The following SESTD1 variants were observed in gnomAD, a reference collection of about 807,000 sequenced individuals.
The protein encoded by SESTD1 is SEC14 and spectrin domain containing 1.
In SESTD1, 43 loss-of-function variants were observed where a neutral mutation model predicts 101.7. The ratio of observed to expected loss-of-function variants is 0.42; its 90% CI spans 0.33 to 0.55. The LOEUF (loss-of-function observed/expected upper bound fraction) is 0.55, where lower values mean the gene tolerates loss of function less well. SESTD1 is among the 20% of genes least tolerant of loss of function. The probability of loss-of-function intolerance (pLI) is 0.07; values close to 1 mark genes in which losing one functional copy is unlikely to be tolerated. For synonymous variants in SESTD1, 283 were observed against 286.8 expected, an observed-to-expected ratio of 0.99 and a Z score of 0.13; for missense variants, 647 against 815.1, an observed-to-expected ratio of 0.79 and a Z score of 2.51.
At chr2:179,146,606 A>G (rs2045401175) in intron 7 of SESTD1, 149 bp from the exon 8 acceptor site, 2 of 611,520 alleles carry the variant, frequency 3.3e-6, no homozygotes, top group Non-Finnish European at 5.6e-6. Context: ...TCTCTCAAGC[A>G]TAAGGAAGCC....
chr2:179,129,742 G>A (rs2044966346), intron 10 of SESTD1, among the ~76,000 whole-genome samples: 1 of 152,156 alleles, frequency 6.6e-6, no homozygotes, highest in Non-Finnish European at 1.5e-5. Context: ...AGAAAAGAAA[G>A]CTTTTAATAA....
chr2:179,121,886 C>T lies in SESTD1; in HGVS notation c.1326G>A (p.Leu442=). The change falls in exon 13 of 18, where the codon CTG becomes CTA. Residue 442 remains leucine (L), a synonymous_variant. Transcript: ENST00000428443. ...AGGATGCCTGATTGGAGATCTGATCCAGGAGACCTTGACCTTTTTCACGCA... is the reference window on the plus strand; with the variant it reads ...AGGATGCCTGATTGGAGATCTGATCTAGGAGACCTTGACCTTTTTCACGCA... The part of the protein sequence containing the change: ...QGLREKGQGL[L]DQISNQASWA... The T allele has an allele frequency of 6.2e-7, 1 of 1,607,930 alleles. No individual in the cohort carries two copies. The highest frequency in any genetic ancestry group is 8.5e-7 in the Non-Finnish European group (1 of 1,177,638).
At position 179,173,256 on chromosome 2, in the gene SESTD1, C is replaced by G. The variant is rs1434818800; in HGVS notation, c.256-1023G>C. 1.3e-5 allele frequency among the ~76,000 whole-genome samples: 2 copies of G among 152,154 alleles called. 1 individual carries two copies. Among genetic ancestry groups the G allele is most frequent in the South Asian group, 4.1e-4 (2 of 4,834 alleles). On this transcript the variant is annotated intron_variant, in intron 4 of 17. Transcript: ENST00000428443. ...GAGAGGCCTTCCCTGTCTACCCTAC[C>G]TAAAGTGGCATCATCTGACTCAGTC...
intron 1 of SESTD1, among the ~76,000 whole-genome samples, chr2:179,241,456 A>G (rs1411465183): frequency 6.6e-6 from 1 of 152,170 alleles, no homozygotes; most frequent in African/African-American, 2.4e-5. Flanking sequence ...GAAAGCATTC[A>G]GAAAATAAAT....
At chr2:179,114,561 C>T (rs764280807) in intron 16 of SESTD1, among the ~76,000 whole-genome samples, 27 of 152,066 alleles carry the variant, frequency 1.8e-4, no homozygotes, top group Non-Finnish European at 3.8e-4. Flanking sequence ...GACCTTAATT[C>T]ATTGAATAAT....
chr2:179,226,651 A>G (rs2046890472), intron 1 of SESTD1, among the ~76,000 whole-genome samples: 1 of 152,196 alleles, frequency 6.6e-6, no homozygotes, highest in Admixed American at 6.5e-5. Context: ...CAGAAAAGAA[A>G]CAGATTCCAA....
At chr2:179,174,801 T>C (rs1313674625) in intron 4 of SESTD1, among the ~76,000 whole-genome samples, 1 of 151,982 alleles carries the variant, frequency 6.6e-6, no homozygotes, top group Non-Finnish European at 1.5e-5. Flanking sequence ...ATAAAAAAAG[T>C]AGCCAGGTGT....
intron 1 of SESTD1, among the ~76,000 whole-genome samples, chr2:179,236,191 T>C (rs1479859604): frequency 6.6e-6 from 1 of 151,858 alleles, no homozygotes. Context: ...TTTATTACAA[T>C]GAGTAATTAT....
Position 179,102,660 on chromosome 2 carries a change from A to G in SESTD1, c.*7239T>C, listed in dbSNP as rs1262146916. 1 of 152,158 alleles carries G rather than the reference A, an allele frequency of 6.6e-6. No homozygotes were observed. The highest frequency in any genetic ancestry group is 1.5e-5 in the Non-Finnish European group (1 of 68,028). The allele number at this position is 152,158 out of a possible 1,614,324, so 9.4% of individuals were successfully genotyped here. The stretch of plus-strand genomic sequence containing the variant: ...ACATATTTTTGAAAATGAGCATTAG[A>G]AACACACAGATGATTATAATTCTAT... On this transcript the variant is annotated 3_prime_UTR_variant, in exon 18 of 18. Coordinates refer to ENST00000428443, the MANE Select transcript of SESTD1 (RefSeq NM_178123.5).
At chr2:179,198,685 C>G (rs531366536) in intron 1 of SESTD1, among the ~76,000 whole-genome samples, 297 of 151,964 alleles carry the variant, frequency 2.0e-3, no homozygotes, top group Non-Finnish European at 3.2e-3. Flanking sequence ...GGAAACTGAA[C>G]AACCTGCTCC....
chr2:179,163,637 C>A lies in SESTD1; in HGVS notation c.369+8483G>T, dbSNP rs555251594. The stretch of plus-strand genomic sequence containing the variant: ...ATTTCAAACTTTTGCTAAGTCCTTT[C>A]AAAGGCAATACAAAACATAAAGTTT... On this transcript the variant is annotated intron_variant, in intron 5 of 17. Transcript: ENST00000428443. 5.9e-5 allele frequency among the ~76,000 whole-genome samples: 9 copies of A among 151,326 alleles called. No individual in the cohort carries two copies. In the South Asian group the frequency reaches 1.9e-3, roughly 31 times the overall value.
chr2:179,117,685 G>T, intron 13 of SESTD1, 72 bp from the exon 14 acceptor site: 2 of 1,228,908 alleles, frequency 1.6e-6, no homozygotes, highest in Non-Finnish European at 2.2e-6. Context: ...TCATCATTTG[G>T]TACATGTATT....
chr2:179,250,197 A>C (rs932104256), intron 1 of SESTD1, among the ~76,000 whole-genome samples: 2 of 152,166 alleles, frequency 1.3e-5, no homozygotes, highest in African/African-American at 4.8e-5. Context: ...ATCCAAATAG[A>C]AAATGGGCAG....
intron 1 of SESTD1, among the ~76,000 whole-genome samples, chr2:179,202,360 T>C (rs1225934208): frequency 7.4e-6 from 1 of 134,558 alleles, no homozygotes; most frequent in Non-Finnish European, 1.6e-5. Context: ...CTAACTGTTA[T>C]TATGGCCTAA....
chr2:179,143,534 C>T, intron 9 of SESTD1, 58 bp downstream of exon 9: 1 of 1,473,894 alleles, frequency 6.8e-7, no homozygotes, highest in South Asian at 1.2e-5. Flanking sequence ...TAGTCAGTCA[C>T]ATAGTAGAAA....
intron 5 of SESTD1, among the ~76,000 whole-genome samples, chr2:179,158,596 A>T (rs2105459162): frequency 6.6e-6 from 1 of 152,298 alleles, no homozygotes; most frequent in South Asian, 2.1e-4. Context: ...ATTATCCTTT[A>T]ATCAAAATAA....
At chr2:179,182,973 C>G in intron 3 of SESTD1, 107 bp downstream of exon 3, 1 of 636,588 alleles carries the variant, frequency 1.6e-6, no homozygotes, top group Non-Finnish European at 2.5e-6. Context: ...AATTTCACTG[C>G]GAATAAAAGC....
At chr2:179,240,122 G>T (rs1158333754) in intron 1 of SESTD1, among the ~76,000 whole-genome samples, 1 of 152,112 alleles carries the variant, frequency 6.6e-6, no homozygotes, top group Non-Finnish European at 1.5e-5. Context: ...CAGTAGAAAC[G>T]CAGAATCCTA....
rs553720712 is a variant in SESTD1 at position 179,172,505 on chromosome 2, G to T, written c.256-272C>A. Among the ~76,000 whole-genome samples the T allele has an allele frequency of 1.7e-4, 26 of 152,220 alleles. No individual in the cohort carries two copies. The South Asian group carries it at 5.4e-3, about 32-fold the overall frequency. ...TTGTTTTACTGAATCTCTGTACTAG[G>T]AATATGTTTAGCTTAAACTGTAAGA... On this transcript the variant is annotated intron_variant, in intron 4 of 17. Transcript: ENST00000428443.
Sources: allele counts gnomAD v4.1 joint callset (sites outside exome capture counted in the v4.1 genomes callset), GRCh38; gene constraint gnomAD v4.1.1; transcripts MANE v1.5; gene names NCBI Gene and HGNC (gene_info 2026-07-23, HGNC 2026-07-21).